Variants in ALDH1A1 observed in about 807,000 individuals in gnomAD.
The protein encoded by ALDH1A1 is aldehyde dehydrogenase 1 family member A1.
Under a neutral mutation model 62.1 loss-of-function variants are expected in ALDH1A1, and 19 were observed. The ratio of observed to expected loss-of-function variants is 0.31; its 90% confidence interval spans 0.21 to 0.45. ALDH1A1 has a LOEUF of 0.45. ALDH1A1 is among the 20% of genes least tolerant of loss of function. ALDH1A1 has a pLI of 1.00. For missense variants in ALDH1A1, 521 were observed against 607.1 expected, an observed-to-expected ratio of 0.86 and a Z score of 1.49; for synonymous variants, 231 against 215.9, an observed-to-expected ratio of 1.07 and a Z score of -0.61.
rs1258178079 is a variant in ALDH1A1 at position 72,938,014 on chromosome 9, A to G, written c.171+2134T>C. Among the ~76,000 whole-genome samples, 3 of 152,168 alleles carry G rather than the reference A, an allele frequency of 2.0e-5. No individual in the cohort carries two copies. In the East Asian group the frequency reaches 5.8e-4, roughly 30 times the overall value. On this transcript the variant is annotated intron_variant, in intron 2 of 12. Transcript: ENST00000297785. ...AAATCTGAACCAAGGGCCTCTCCTA[A>G]ATCTAAAAGGGCCCCCTCAGGTCTG...
At chr9:72,914,647 A>AT (rs1830037498) in intron 9 of ALDH1A1, among the ~76,000 whole-genome samples, 1 of 152,078 alleles carries the variant, frequency 6.6e-6, no homozygotes, top group African/African-American at 2.4e-5. Context: ...GACAATATAT[A>AT]TTTTTTCTAT....
At chr9:72,936,946 T>TA (rs536710769) in intron 2 of ALDH1A1, among the ~76,000 whole-genome samples, 5 of 152,148 alleles carry the variant, frequency 3.3e-5, no homozygotes, top group African/African-American at 4.8e-5. Flanking sequence ...AAAGAATTGA[T>TA]AAAAAATGAA....
intron 12 of ALDH1A1, among the ~76,000 whole-genome samples, chr9:72,903,200 T>A (rs929475428): frequency 1.1e-4 from 17 of 152,184 alleles, no homozygotes; most frequent in African/African-American, 9.6e-5. Flanking sequence ...TAAGAGCCAA[T>A]CAAGTTTAAA....
At chr9:72,901,423 T>C in intron 12 of ALDH1A1, 143 bp from the exon 13 acceptor site, 1 of 506,736 alleles carries the variant, frequency 2.0e-6, no homozygotes, top group Non-Finnish European at 3.5e-6. Flanking sequence ...GCATTTTATA[T>C]AGTAGCTAGC....
intron 6 of ALDH1A1, 45 bp downstream of exon 6, chr9:72,925,439 A>G: frequency 6.2e-7 from 1 of 1,600,704 alleles, no homozygotes; most frequent in South Asian, 1.1e-5. Context: ...ATTGTAATTT[A>G]GGATTCTTGA....
intron 9 of ALDH1A1, among the ~76,000 whole-genome samples, chr9:72,916,469 G>A (rs1393619805): frequency 6.6e-6 from 1 of 152,170 alleles, no homozygotes; most frequent in Non-Finnish European, 1.5e-5. Flanking sequence ...CCCATGCTAC[G>A]ATTAGGGGGT....
intron 1 of ALDH1A1, among the ~76,000 whole-genome samples, chr9:72,951,733 T>A (rs2118590015): frequency 6.6e-6 from 1 of 152,096 alleles, no homozygotes; most frequent in South Asian, 2.1e-4. Flanking sequence ...GCATTTTTCA[T>A]GCTACCATTT....
chr9:72,911,315 G>C (rs923829878), intron 10 of ALDH1A1, among the ~76,000 whole-genome samples: 3 of 152,066 alleles, frequency 2.0e-5, no homozygotes, highest in Non-Finnish European at 4.4e-5. Flanking sequence ...AGTCTATAGG[G>C]CAAAGGTGGA....
At chr9:72,910,100 C>G (rs190037160) in intron 10 of ALDH1A1, among the ~76,000 whole-genome samples, 29 of 152,268 alleles carry the variant, frequency 1.9e-4, no homozygotes, top group African/African-American at 2.9e-4. Context: ...TAAATTCACT[C>G]TCTAGTTTTT....
intron 2 of ALDH1A1, among the ~76,000 whole-genome samples, chr9:72,939,570 T>C (rs1040614790): frequency 6.7e-6 from 1 of 148,576 alleles, no homozygotes; most frequent in Non-Finnish European, 1.5e-5. Flanking sequence ...TTGGCTGGAG[T>C]GCAGTGGTAT....
At chr9:72,945,315 A>C (rs1375413866) in intron 1 of ALDH1A1, among the ~76,000 whole-genome samples, 1 of 151,826 alleles carries the variant, frequency 6.6e-6, no homozygotes, top group East Asian at 1.9e-4. Flanking sequence ...GAGTGCCTTA[A>C]ATTAATATTA....
intron 1 of ALDH1A1, among the ~76,000 whole-genome samples, chr9:72,945,763 G>A (rs1390719174): frequency 6.6e-6 from 1 of 151,928 alleles, no homozygotes; most frequent in Non-Finnish European, 1.5e-5. Context: ...CCCTAACCCT[G>A]AGGCAGGAAA....
rs8187867 is a variant in ALDH1A1, at chr9:72,953,015, CT to C, written c.-16del. On this transcript the variant is annotated 5_prime_UTR_variant, in exon 1 of 13. Coordinates refer to ENST00000297785, the MANE Select transcript of ALDH1A1 (RefSeq NM_000689.5). ...GAGGATGACATTTCTGATTCGGCTC[CT>C]GGAACACAGGTGACTGGCTCAGCAA... is the stretch of plus-strand genomic sequence containing the variant. The C allele has an allele frequency of 1.9e-3, 3,024 of 1,613,026 alleles. 66 individuals are homozygous for C. The African/African-American group carries it at 0.036, about 19-fold the overall frequency.
rs1664814239 is a variant in ALDH1A1 at position 72,924,093 on chromosome 9, A to C, written c.673T>G (p.Tyr225Asp). The C allele has an allele frequency of 3.7e-6, 6 of 1,613,016 alleles. No individual in the cohort carries two copies. The highest frequency in any genetic ancestry group is 5.1e-6 in the Non-Finnish European group (6 of 1,179,434). Residue 225 changes from tyrosine to aspartate, a missense_variant, in exon 7 of 13, where the codon TAT (tyrosine) becomes GAT (aspartate). Physicochemically the swap from Tyr to Asp is radical, Grantham distance 160. Transcript: ENST00000297785. ...ATGGCTGCCCCTGCTGTAGGCCCAT[A>C]ACCAGGAACAATATTCACTACTCCA... ...PPGVVNIVPG[Y>D]GPTAGAAISS...
At chr9:72,908,585 AAGAAAGAAAGAAAGAAAG>A (rs1829928145) in intron 11 of ALDH1A1, among the ~76,000 whole-genome samples, 2 of 135,326 alleles carry the variant, frequency 1.5e-5, no homozygotes, top group South Asian at 5.1e-4. Flanking sequence ...GAAAGAAAGA[AAGAAAGAAAGAAAGAAAG>A]AAAGAAAGAA....
intron 11 of ALDH1A1, 85 bp downstream of exon 11, chr9:72,909,517 A>T (rs1392773988): frequency 9.1e-6 from 12 of 1,320,162 alleles, no homozygotes; most frequent in Non-Finnish European, 1.1e-5. Flanking sequence ...TTCCAAATGA[A>T]AAATCCAAGT....
chr9:72,934,812 C>T (rs1205123446), intron 2 of ALDH1A1, among the ~76,000 whole-genome samples: 2 of 152,162 alleles, frequency 1.3e-5, no homozygotes, highest in South Asian at 2.1e-4. Flanking sequence ...AATGAATAGA[C>T]TATGGCTCAT....
intron 1 of ALDH1A1, among the ~76,000 whole-genome samples, chr9:72,951,268 A>T (rs1421519960): frequency 6.6e-6 from 1 of 151,882 alleles, no homozygotes. Context: ...CTCTGTGTTA[A>T]GGGTTCATTA....
In ALDH1A1 at chr9:72,918,051, C is replaced by T. The variant is rs8187955; in HGVS notation, c.850+669G>A. Among the ~76,000 whole-genome samples the T allele has an allele frequency of 5.3e-3, 807 of 152,230 alleles. 5 individuals are homozygous for T. Among genetic ancestry groups the T allele is most frequent in the African/African-American group, 0.019 (774 of 41,516 alleles). On this transcript the variant is annotated intron_variant, in intron 8 of 12. Transcript: ENST00000297785. ...TCCATGAACCATTTGTATTTACAGC[C>T]TCTAACAGATAATGCAGTTGTGAAA...
Sources: allele counts gnomAD v4.1 joint callset (sites outside exome capture counted in the v4.1 genomes callset), GRCh38; gene constraint gnomAD v4.1.1; transcripts MANE v1.5; gene names NCBI Gene and HGNC (gene_info 2026-07-23, HGNC 2026-07-21).